Variants in COPE observed in about 807,000 individuals in gnomAD.
The protein encoded by COPE is coatomer subunit epsilon.
COPE carries 19 observed loss-of-function variants against 42.1 expected under a neutral mutation model. That is an observed-to-expected ratio of 0.45 (90% CI 0.31 to 0.66). The LOEUF is 0.66. Among genes scored for constraint, COPE ranks in the 30% least tolerant of loss-of-function variants. The probability of loss-of-function intolerance (pLI) is 0.05; values close to 1 mark genes in which losing one functional copy is unlikely to be tolerated. For missense variants in COPE, 402 were observed against 416.1 expected, an observed-to-expected ratio of 0.97 and a Z score of 0.30; for synonymous variants, 195 against 181.3, an observed-to-expected ratio of 1.08 and a Z score of -0.60.
intron 3 of COPE, 165 bp downstream of exon 3, chr19:18,910,806 G>T: frequency 1.6e-6 from 1 of 640,018 alleles, no homozygotes; most frequent in Non-Finnish European, 2.8e-6. Context: ...TGCTGTGCAG[G>T]TGAGGGAAAC....
At chr19:18,906,028 ACTCTCTGCAGGCCCC>A in intron 4 of COPE, 1 of 417,418 alleles carries the variant, frequency 2.4e-6, no homozygotes, top group Non-Finnish European at 4.2e-6. Context: ...GGGGCCACCC[ACTCTCTGCAGGCCCC>A]CTCGTCCCCT....
chr19:18,911,844 G>A (rs1232194108), intron 2 of COPE, among the ~76,000 whole-genome samples: 4 of 146,370 alleles, frequency 2.7e-5, no homozygotes, highest in Non-Finnish European at 4.5e-5. Flanking sequence ...GAGCCACCAC[G>A]CCCGGCCTTT....
In COPE at chr19:18,900,123, T is replaced by C. The variant is rs951346260; in HGVS notation, c.805-176A>G. Reference sequence around the variant, plus strand: ...CAGGGTGGGGGTGGAGGGATGGGCCTGCCCCCTGGAGAGGCGCTGGCATGG... The same window carrying C: ...CAGGGTGGGGGTGGAGGGATGGGCCCGCCCCCTGGAGAGGCGCTGGCATGG... On this transcript the variant is annotated intron_variant, in intron 8 of 9. Transcript: ENST00000262812. The C allele has an allele frequency of 3.9e-5, 24 of 618,564 alleles. No individual in the cohort carries two copies. In the African/African-American group the frequency reaches 5.0e-4, roughly 13 times the overall value. The allele number at this position is 618,564 out of a possible 1,614,324, so 38.3% of individuals were successfully genotyped here.
intron 4 of COPE, 138 bp downstream of exon 4, chr19:18,906,822 A>G: frequency 9.7e-7 from 1 of 1,025,866 alleles, no homozygotes; most frequent in Non-Finnish European, 1.4e-6. Flanking sequence ...TGGAGCCTGG[A>G]CAGCAGGCCA....
At chr19:18,907,856 C>T (rs562185432) in intron 3 of COPE, among the ~76,000 whole-genome samples, 1 of 152,220 alleles carries the variant, frequency 6.6e-6, no homozygotes, top group Non-Finnish European at 1.5e-5. Context: ...GCTGTCTGCC[C>T]AGGGCCCGTG....
chr19:18,906,261 C>T (rs1043485214), intron 4 of COPE: 2 of 274,488 alleles, frequency 7.3e-6, no homozygotes, highest in Non-Finnish European at 6.8e-6. Flanking sequence ...ACCATCACGG[C>T]TCACTGCAGC....
At chr19:18,900,818 T>A (rs1412820496) in intron 7 of COPE, among the ~76,000 whole-genome samples, 3 of 152,062 alleles carry the variant, frequency 2.0e-5, no homozygotes, top group Non-Finnish European at 4.4e-5. Flanking sequence ...CTGCACCAGC[T>A]CCCAAGGAGC....
At position 18,917,241 on chromosome 19, in the gene COPE, CTTTT is replaced by C. The variant is rs531312180; in HGVS notation, c.126+1978_126+1981del. On this transcript the variant is annotated intron_variant, in intron 1 of 9. Coordinates refer to ENST00000262812, the MANE Select transcript of COPE (RefSeq NM_007263.4). Reference sequence around the variant, plus strand: ...AGCCTACTAGAAACATTCTTTTTTTCTTTTTTTTTTTTTTTTTTTGAGATAGGGT... The same window carrying C: ...AGCCTACTAGAAACATTCTTTTTTTCTTTTTTTTTTTTTTTGAGATAGGGT... 2.2e-4 allele frequency among the ~76,000 whole-genome samples: 24 copies of C among 110,688 alleles called. 1 individual carries two copies. Among genetic ancestry groups the C allele is most frequent in the African/African-American group, 6.5e-5 (2 of 30,808 alleles). The allele number at this position is 110,688 out of a possible 152,430, so 72.6% of individuals were successfully genotyped here.
At chr19:18,905,892 T>C (rs73923181) in intron 4 of COPE, 5,481 of 538,548 alleles carry the variant, frequency 0.01, 175 homozygotes, top group African/African-American at 0.085. Context: ...GCAGCCTCCA[T>C]GGGCTGTGCT....
chr19:18,906,355 C>T (rs771876810), intron 4 of COPE: 13 of 173,942 alleles, frequency 7.5e-5, no homozygotes, highest in Non-Finnish European at 1.6e-4. Flanking sequence ...ATGCCTGGCT[C>T]GCCCTGCAAT....
Position 18,900,159 on chromosome 19 carries a change from C to T in COPE, c.805-212G>A, listed in dbSNP as rs183652976. Among the ~76,000 whole-genome samples, 45 of 151,646 alleles carry T rather than the reference C, an allele frequency of 3.0e-4. 1 individual carries two copies. The highest frequency in any genetic ancestry group is 2.6e-3 in the Admixed American group (39 of 15,192). On this transcript the variant is annotated intron_variant, in intron 8 of 9. Coordinates refer to ENST00000262812, the MANE Select transcript of COPE (RefSeq NM_007263.4). ...GAGGCGCTGGCATGGAGCTGGCCTC[C>T]GTACATGGTGGGGGATGTATTGTGG...
At chr19:18,912,147 C>A (rs146443858) in intron 2 of COPE, among the ~76,000 whole-genome samples, 2 of 152,096 alleles carry the variant, frequency 1.3e-5, no homozygotes, top group East Asian at 1.9e-4. Context: ...GGGCCCAGCC[C>A]CCATTCTTAT....
intron 3 of COPE, among the ~76,000 whole-genome samples, chr19:18,909,372 C>G (rs751111252): frequency 3.9e-5 from 6 of 152,234 alleles, no homozygotes; most frequent in Non-Finnish European, 8.8e-5. Flanking sequence ...GGCGGCAGGG[C>G]TGGCTCCAGC....
chr19:18,919,337 C>A lies in COPE; in HGVS notation c.12G>T (p.Pro4=), dbSNP rs758092227. ...AGCCGCCGGAGGCCGGGCCGGGGGCCGGAGGCGCCATTTCGCTGTCTTCTC... is the reference window on the plus strand; with the variant it reads ...AGCCGCCGGAGGCCGGGCCGGGGGCAGGAGGCGCCATTTCGCTGTCTTCTC... MAP[P]APGPASGGSG... is the part of the protein sequence containing the mutation. Residue 4 remains proline (P), a synonymous_variant, in exon 1 of 10, where the codon CCG becomes CCT. Coordinates refer to ENST00000262812, the MANE Select transcript of COPE (RefSeq NM_007263.4). The A allele has an allele frequency of 1.2e-6, 2 of 1,613,604 alleles. No individual in the cohort carries two copies. The highest frequency in any genetic ancestry group is 1.7e-5 in the Admixed American group (1 of 59,980).
At chr19:18,911,677 G>A (rs1383908726) in intron 2 of COPE, among the ~76,000 whole-genome samples, 4 of 148,000 alleles carry the variant, frequency 2.7e-5, no homozygotes, top group Non-Finnish European at 4.5e-5. Context: ...TCAGCCTCCC[G>A]AGTAGCTGAG....
intron 3 of COPE, 41 bp downstream of exon 3, chr19:18,910,930 T>C (rs1205805720): frequency 6.4e-7 from 1 of 1,566,898 alleles, no homozygotes; most frequent in South Asian, 1.1e-5. Flanking sequence ...GCCTTGAAGA[T>C]GGCCCCGCGC....
chr19:18,903,502 G>A, intron 6 of COPE, 79 bp from the exon 7 acceptor site: 1 of 1,499,702 alleles, frequency 6.7e-7, no homozygotes, highest in Non-Finnish European at 9.0e-7. Flanking sequence ...CCTAGCGGGG[G>A]GGACTCCAGC....
chr19:18,911,774 A>G (rs959776826), intron 2 of COPE, among the ~76,000 whole-genome samples: 10 of 150,114 alleles, frequency 6.7e-5, no homozygotes, highest in Admixed American at 2.7e-4. Context: ...GGATGGTCTC[A>G]ATCTCCTGAC....
chr19:18,907,062 A>G lies in COPE; in HGVS notation c.341T>C (p.Val114Ala), dbSNP rs1417160898. 2 of 1,609,966 alleles carry G rather than the reference A, an allele frequency of 1.2e-6. No homozygotes were observed. Among genetic ancestry groups the G allele is most frequent in the Non-Finnish European group, 1.7e-6 (2 of 1,178,676 alleles). ...CATGAGCAGGAAGGTGGTGTTGGTC[A>G]CGTCCACGCTCCTGCTCATCTCTCG... Reference protein sequence around the residue: ...LDREMSRSVDVTNTTFLLMAA... With the variant: ...LDREMSRSVDATNTTFLLMAA... Residue 114 changes from valine to alanine, a missense_variant, in exon 4 of 10, where the codon GTG becomes GCG. By Grantham distance (64) the Val-to-Ala change is moderately conservative (BLOSUM62 0). Transcript: ENST00000262812.
Sources: allele counts gnomAD v4.1 joint callset (sites outside exome capture counted in the v4.1 genomes callset), GRCh38; gene constraint gnomAD v4.1.1; transcripts MANE v1.5; gene names NCBI Gene and HGNC (gene_info 2026-07-23, HGNC 2026-07-21).